The following PCAT7 variants were observed in gnomAD, a reference collection of about 807,000 sequenced individuals.
The protein encoded by PCAT7 is prostate cancer associated transcript 7.
At chr9:94,560,451 G>T (rs778074832) in intron 2 of PCAT7, among the ~76,000 whole-genome samples, 3 of 152,068 alleles carry the variant, frequency 2.0e-5, no homozygotes, top group Non-Finnish European at 2.9e-5. Flanking sequence ...TTAGATTCAG[G>T]GTGTCGTTCT....
chr9:94,562,858 G>A (rs1477078539), intron 2 of PCAT7, among the ~76,000 whole-genome samples: 2 of 152,168 alleles, frequency 1.3e-5, no homozygotes, highest in African/African-American at 4.8e-5. Context: ...CTTATTCTGA[G>A]GTTTGGAAAT....
intron 2 of PCAT7, among the ~76,000 whole-genome samples, chr9:94,559,617 C>T (rs1490910599): frequency 6.6e-6 from 1 of 152,082 alleles, no homozygotes; most frequent in East Asian, 1.9e-4. Flanking sequence ...TGGAGGAACT[C>T]CACATCTTAA....
chr9:94,568,852 C>G (rs1564182349), intron 2 of PCAT7: 1 of 152,212 alleles, frequency 6.6e-6, no homozygotes, highest in Non-Finnish European at 1.5e-5. Flanking sequence ...CACCCACTTC[C>G]AGACAATATC....
In PCAT7 at chr9:94,567,329, A is replaced by G. The variant is rs761915951; in HGVS notation, n.442-5650A>G. 36 of 1,614,082 alleles carry G rather than the reference A, an allele frequency of 2.2e-5. No individual in the cohort carries two copies. Among genetic ancestry groups the G allele is most frequent in the Non-Finnish European group, 3.0e-5 (35 of 1,180,022 alleles). On this transcript the variant is annotated intron_variant and non_coding_transcript_variant, in intron 2 of 8. Transcript: ENST00000647389. Reference sequence around the variant, plus strand: ...GTGGCCGCATCAAAATACTTGGCATAGCCCTCATTCAGGCTGTAAATCTTT... The same window carrying G: ...GTGGCCGCATCAAAATACTTGGCATGGCCCTCATTCAGGCTGTAAATCTTT...
chr9:94,554,837 C>T (rs1442797095), upstream of PCAT7, among the ~76,000 whole-genome samples: 2 of 152,222 alleles, frequency 1.3e-5, no homozygotes, highest in African/African-American at 4.8e-5. Context: ...CCTTCCAGTT[C>T]TTTAAGCCGG....
intron 1 of PCAT7, chr9:94,558,650 T>C (rs1827045064): frequency 2.8e-6 from 1 of 363,280 alleles, no homozygotes; most frequent in South Asian, 2.5e-5. Flanking sequence ...CCGCCAATTA[T>C]GTGGGTTGAC....
chr9:94,559,043 G>A (rs560809669), exon 2 of PCAT7: 18 of 1,614,070 alleles, frequency 1.1e-5, no homozygotes, highest in East Asian at 4.5e-5. Flanking sequence ...CGGGCTTCAC[G>A]TCCAGTACAG....
At chr9:94,565,545 CAGAA>C (rs2131444569) in intron 2 of PCAT7, among the ~76,000 whole-genome samples, 1 of 152,068 alleles carries the variant, frequency 6.6e-6, no homozygotes, top group South Asian at 2.1e-4. Flanking sequence ...CATTTAAATA[CAGAA>C]AGAATCTTTC....
chr9:94,561,511 T>C (rs1027693200), intron 2 of PCAT7, among the ~76,000 whole-genome samples: 1 of 151,992 alleles, frequency 6.6e-6, no homozygotes. Context: ...CACAGGCACA[T>C]GCCACCACGC....
intron 2 of PCAT7, among the ~76,000 whole-genome samples, chr9:94,563,879 C>G (rs1046683442): frequency 6.6e-6 from 1 of 151,964 alleles, no homozygotes; most frequent in African/African-American, 2.4e-5. Flanking sequence ...CAATAAAGTT[C>G]AAAAAAGACG....
chr9:94,560,282 T>A (rs141337385), intron 2 of PCAT7, among the ~76,000 whole-genome samples: 603 of 152,340 alleles, frequency 4.0e-3, no homozygotes, highest in African/African-American at 0.014. Flanking sequence ...TCTCTAACCC[T>A]CCTGCAGGCA....
intron 2 of PCAT7, chr9:94,568,698 C>T (rs1252141014): frequency 6.6e-6 from 1 of 152,224 alleles, no homozygotes; most frequent in Non-Finnish European, 1.5e-5. Context: ...CTGTCAGAAA[C>T]AAGTCAGTGC....
chr9:94,559,153 G>A (rs1827055869), intron 2 of PCAT7: 2 of 1,601,130 alleles, frequency 1.2e-6, no homozygotes, highest in African/African-American at 1.3e-5. Context: ...ACAGAGGCAG[G>A]TGAGTAAACT....
chr9:94,559,162 C>T, intron 2 of PCAT7: 1 of 1,593,182 alleles, frequency 6.3e-7, no homozygotes, highest in Non-Finnish European at 8.6e-7. Flanking sequence ...GGTGAGTAAA[C>T]TCTGCAAGTG....
chr9:94,561,352 A>ATTTTTTTTT lies in PCAT7; in HGVS notation n.441+2220_441+2228dup, dbSNP rs1174386595. Reference sequence around the variant, plus strand: ...GCAGGCCATGTGACATGTGACCTGTATTTTTTTTTTTTTTTTTTTTTTTTT... The same window carrying ATTTTTTTTT: ...GCAGGCCATGTGACATGTGACCTGTATTTTTTTTTTTTTTTTTTTTTTTTTTTTTTTTTT... On this transcript the variant is annotated intron_variant and non_coding_transcript_variant, in intron 2 of 8. Transcript: ENST00000647389. Among the ~76,000 whole-genome samples, 103 of 54,990 alleles carry ATTTTTTTTT rather than the reference A, an allele frequency of 1.9e-3. 24 individuals carry two copies. The highest frequency in any genetic ancestry group is 2.2e-3 in the Admixed American group (7 of 3,178). 36.1% of individuals were successfully genotyped at this position (54,990 alleles called of 152,430 possible).
At chr9:94,562,275 A>G (rs1018699411) in intron 2 of PCAT7, among the ~76,000 whole-genome samples, 1 of 140,652 alleles carries the variant, frequency 7.1e-6, no homozygotes, top group African/African-American at 2.7e-5. Context: ...GTGCCACTGC[A>G]CTCCAGCCTG....
chr9:94,563,220 C>T (rs1475967020), intron 2 of PCAT7: 1 of 1,134,418 alleles, frequency 8.8e-7, no homozygotes. Context: ...ATTTTTCCTC[C>T]CCTGCCCATC....
At chr9:94,562,763 T>G (rs373032941) in intron 2 of PCAT7, among the ~76,000 whole-genome samples, 114 of 152,276 alleles carry the variant, frequency 7.5e-4, no homozygotes, top group African/African-American at 2.7e-3. Flanking sequence ...AATACAAGTA[T>G]TTTAAGTTTT....
intron 2 of PCAT7, among the ~76,000 whole-genome samples, chr9:94,566,194 A>T (rs1421058359): frequency 6.6e-6 from 1 of 152,234 alleles, no homozygotes; most frequent in African/African-American, 2.4e-5. Flanking sequence ...CACTGTTGGG[A>T]ACAGGCCCCC....
Sources: gnomAD v4.1 joint callset for allele counts (sites outside exome capture counted in the v4.1 genomes callset) on GRCh38, gnomAD v4.1.1 for gene constraint, MANE v1.5 for transcripts, NCBI Gene and HGNC (gene_info 2026-07-23, HGNC 2026-07-21) for gene names.